RABL3: variants seen among roughly 807,000 people sequenced by gnomAD.
RABL3 encodes the protein rab-like protein 3.
In RABL3, 31 loss-of-function variants were observed where a neutral mutation model predicts 31.8. The observed-to-expected ratio is 0.97, with a 90% CI of 0.73 to 1.31. The LOEUF (loss-of-function observed/expected upper bound fraction) is 1.31, where lower values mean the gene tolerates loss of function less well. Among genes scored for constraint, RABL3 ranks in the 40% most tolerant of loss-of-function variants. The pLI is 0.00. For synonymous variants in RABL3, 97 were observed against 99.9 expected, an observed-to-expected ratio of 0.97 and a Z score of 0.18; for missense variants, 263 against 279.6, an observed-to-expected ratio of 0.94 and a Z score of 0.42.
At chr3:120,701,981 T>C (rs1428965588) in intron 4 of RABL3, among the ~76,000 whole-genome samples, 3 of 152,212 alleles carry the variant, frequency 2.0e-5, no homozygotes, top group Non-Finnish European at 4.4e-5. Flanking sequence ...AGCAGTTTCC[T>C]TCCATATCCC....
At chr3:120,731,393 C>A (rs1188982688) in intron 1 of RABL3, among the ~76,000 whole-genome samples, 3 of 152,150 alleles carry the variant, frequency 2.0e-5, no homozygotes, top group African/African-American at 7.2e-5. Context: ...AAGCAGCCAA[C>A]CACTTAGCCA....
chr3:120,706,403 C>T (rs1455273197), intron 3 of RABL3, among the ~76,000 whole-genome samples: 1 of 152,074 alleles, frequency 6.6e-6, no homozygotes, highest in Non-Finnish European at 1.5e-5. Flanking sequence ...TGAGTGCCTA[C>T]TCCATGCCTG....
intron 1 of RABL3, among the ~76,000 whole-genome samples, chr3:120,735,577 C>A (rs1389391933): frequency 6.6e-6 from 1 of 151,938 alleles, no homozygotes; most frequent in East Asian, 1.9e-4. Flanking sequence ...TATTTCTTGC[C>A]TTCTGCTAGC....
intron 2 of RABL3, among the ~76,000 whole-genome samples, chr3:120,711,441 G>A (rs1364285461): frequency 6.6e-6 from 1 of 152,060 alleles, no homozygotes; most frequent in Non-Finnish European, 1.5e-5. Flanking sequence ...TGCCTGAATT[G>A]ATATAATGGT....
intron 2 of RABL3, among the ~76,000 whole-genome samples, chr3:120,716,605 T>TA (rs1708672528): frequency 6.6e-6 from 1 of 150,574 alleles, no homozygotes; most frequent in African/African-American, 2.4e-5. Flanking sequence ...CCCTAAAACT[T>TA]AAAGTATAAT....
chr3:120,740,672 T>C (rs1403136156), intron 1 of RABL3, among the ~76,000 whole-genome samples: 1 of 152,228 alleles, frequency 6.6e-6, no homozygotes, highest in Non-Finnish European at 1.5e-5. Context: ...GTGTAAAAAG[T>C]GCATTCTAAA....
Position 120,685,326 on chromosome 3 carries a change from T to C in RABL3, c.*4497A>G, listed in dbSNP as rs1482322542. ...GGAACGGAGAGATTACCTGATATACTTGATGGTACTGAGCGAGGTTTTACA... is the reference window on the plus strand; with the variant it reads ...GGAACGGAGAGATTACCTGATATACCTGATGGTACTGAGCGAGGTTTTACA... On this transcript the variant is annotated 3_prime_UTR_variant, in exon 8 of 8. Transcript: ENST00000273375. Among the ~76,000 whole-genome samples, 2 of 152,182 alleles carry C rather than the reference T, an allele frequency of 1.3e-5. No individual in the cohort carries two copies. Among genetic ancestry groups the C allele is most frequent in the Non-Finnish European group, 2.9e-5 (2 of 68,028 alleles).
chr3:120,728,266 C>T lies in RABL3; in HGVS notation c.138+2430G>A, dbSNP rs79020588. On this transcript the variant is annotated intron_variant, in intron 2 of 7. Transcript: ENST00000273375. ...ATAACTTCCCATTTATTAAGCTTCTCTGATCCTTCCTACAAACCTGTAGAC... is the reference window on the plus strand; with the variant it reads ...ATAACTTCCCATTTATTAAGCTTCTTTGATCCTTCCTACAAACCTGTAGAC... Among the ~76,000 whole-genome samples the T allele has an allele frequency of 5.6e-3, 858 of 152,284 alleles. 12 individuals are homozygous for T. Among genetic ancestry groups the T allele is most frequent in the African/African-American group, 0.02 (826 of 41,566 alleles).
rs1477183763 is a variant in RABL3, at chr3:120,686,202, T to C, written c.*3621A>G. Among the ~76,000 whole-genome samples, 1 of 152,200 alleles carries C rather than the reference T, an allele frequency of 6.6e-6. No individual in the cohort carries two copies. The highest frequency in any genetic ancestry group is 1.5e-5 in the Non-Finnish European group (1 of 68,042). On this transcript the variant is annotated 3_prime_UTR_variant, in exon 8 of 8. Transcript: ENST00000273375. ...TGAATTTCTAATTTCCTTCTCCTCC[T>C]TTCCCCAAAACAGACTCCTCCTTTG... is the stretch of plus-strand genomic sequence containing the variant.
rs1420470298 is a variant in RABL3 at position 120,685,598 on chromosome 3, AATC to A, written c.*4222_*4224del. Among the ~76,000 whole-genome samples, 17 of 152,232 alleles carry A rather than the reference AATC, an allele frequency of 1.1e-4. No individual in the cohort carries two copies. Among genetic ancestry groups the A allele is most frequent in the Non-Finnish European group, 1.5e-5 (1 of 68,034 alleles). On this transcript the variant is annotated 3_prime_UTR_variant, in exon 8 of 8. Transcript: ENST00000273375. ...TTGTTTTGCCAACAGAAGACATGAC[AATC>A]ATCTCATGTTTAATTTGGCATATGT...
At chr3:120,740,386 T>C (rs1267314384) in intron 1 of RABL3, among the ~76,000 whole-genome samples, 1 of 152,168 alleles carries the variant, frequency 6.6e-6, no homozygotes, top group Non-Finnish European at 1.5e-5. Flanking sequence ...CTCAGCCTCC[T>C]GAGTAGCGGG....
In RABL3 at chr3:120,703,549, G is replaced by A. The variant is rs374211667; in HGVS notation, c.383+2451C>T. ...GAACAAAATAAACCAAAAGCAAGCA[G>A]AAGGAAAGAAATAAGAGTAGAAATC... On this transcript the variant is annotated intron_variant, in intron 4 of 7. Coordinates refer to ENST00000273375, the MANE Select transcript of RABL3 (RefSeq NM_173825.5). Among the ~76,000 whole-genome samples the A allele has an allele frequency of 8.0e-4, 122 of 151,926 alleles. 1 individual carries two copies. The highest frequency in any genetic ancestry group is 2.8e-3 in the African/African-American group (118 of 41,450).
intron 2 of RABL3, among the ~76,000 whole-genome samples, chr3:120,724,321 C>T (rs1325003094): frequency 1.3e-5 from 2 of 152,196 alleles, no homozygotes; most frequent in African/African-American, 4.8e-5. Context: ...AATGGAAGAA[C>T]ATTCCATGCT....
At position 120,731,043 on chromosome 3, in the gene RABL3, C is replaced by T. The variant is rs577899916; in HGVS notation, c.47-256G>A. Reference sequence around the variant, plus strand: ...TCCACCCCCAGACTTTCTGATTTAGCGGGTCTGTCTTGGGGCCCAAGATTT... The same window carrying T: ...TCCACCCCCAGACTTTCTGATTTAGTGGGTCTGTCTTGGGGCCCAAGATTT... On this transcript the variant is annotated intron_variant, in intron 1 of 7. Coordinates refer to ENST00000273375, the MANE Select transcript of RABL3 (RefSeq NM_173825.5). 8.5e-5 allele frequency among the ~76,000 whole-genome samples: 13 copies of T among 152,280 alleles called. 1 individual carries two copies. In the South Asian group the frequency reaches 1.2e-3, roughly 15 times the overall value.
chr3:120,719,700 G>T (rs1232017770), intron 2 of RABL3, among the ~76,000 whole-genome samples: 1 of 152,230 alleles, frequency 6.6e-6, no homozygotes, highest in Non-Finnish European at 1.5e-5. Flanking sequence ...AAAGCAGCCA[G>T]GAAGCTCGAA....
intron 4 of RABL3, among the ~76,000 whole-genome samples, chr3:120,703,325 A>C (rs1708514100): frequency 6.6e-6 from 1 of 152,204 alleles, no homozygotes; most frequent in Admixed American, 6.5e-5. Flanking sequence ...TGGAAACTAA[A>C]CAACACATTT....
At chr3:120,713,700 C>T (rs767873148) in intron 2 of RABL3, among the ~76,000 whole-genome samples, 13 of 152,032 alleles carry the variant, frequency 8.6e-5, no homozygotes, top group Non-Finnish European at 1.8e-4. Context: ...GATGCTGCCA[C>T]TTTGGACCTT....
At chr3:120,738,020 T>G (rs1708993303) in intron 1 of RABL3, among the ~76,000 whole-genome samples, 1 of 152,230 alleles carries the variant, frequency 6.6e-6, no homozygotes, top group South Asian at 2.1e-4. Flanking sequence ...AACTCTGTGC[T>G]GGGAGAACCA....
At chr3:120,728,706 A>AATC (rs1708850016) in intron 2 of RABL3, among the ~76,000 whole-genome samples, 1 of 152,124 alleles carries the variant, frequency 6.6e-6, no homozygotes, top group African/African-American at 2.4e-5. Flanking sequence ...GTATAATAAT[A>AATC]ATAAACAAAA....
Sources: gnomAD v4.1 joint callset for allele counts (sites outside exome capture counted in the v4.1 genomes callset) on GRCh38, gnomAD v4.1.1 for gene constraint, MANE v1.5 for transcripts, NCBI Gene and HGNC (gene_info 2026-07-23, HGNC 2026-07-21) for gene names.